STARD13: variants seen among roughly 807,000 people sequenced by gnomAD.
STARD13 encodes the protein StAR related lipid transfer domain containing 13.
Under a neutral mutation model 106.4 loss-of-function variants are expected in STARD13, and 62 were observed. The observed-to-expected ratio is 0.58, with a 90% CI of 0.48 to 0.72. STARD13 has a LOEUF of 0.72. Ranked by LOEUF, STARD13 falls within the 30% of genes least tolerant of loss-of-function variation. The probability of loss-of-function intolerance (pLI) is 0.00; values close to 1 mark genes in which losing one functional copy is unlikely to be tolerated. For missense variants in STARD13, 1,387 were observed against 1,424.0 expected, an observed-to-expected ratio of 0.97 and a Z score of 0.42; for synonymous variants, 565 against 553.0, an observed-to-expected ratio of 1.02 and a Z score of -0.31.
At chr13:33,379,467 T>G in the STARD13 span, among the ~76,000 whole-genome samples, 1 of 152,238 alleles carries the variant, frequency 6.6e-6, no homozygotes, top group Admixed American at 6.5e-5. Context: ...AGCTCCTTTA[T>G]TGACATGACC....
the STARD13 span, among the ~76,000 whole-genome samples, chr13:33,536,934 C>T: frequency 2.5e-4 from 38 of 152,330 alleles, no homozygotes; most frequent in Non-Finnish European, 4.9e-4. Context: ...ACAAAATTCC[C>T]TTGCTATTCA....
At chr13:33,124,054 C>G (rs1386713568) in intron 7 of STARD13, among the ~76,000 whole-genome samples, 1 of 152,230 alleles carries the variant, frequency 6.6e-6, no homozygotes, top group Non-Finnish European at 1.5e-5. Flanking sequence ...TGGTGTTGCT[C>G]TCCTTGCTTT....
chr13:33,504,508 GA>G, the STARD13 span, among the ~76,000 whole-genome samples: 37 of 150,728 alleles, frequency 2.5e-4, no homozygotes, highest in Non-Finnish European at 8.8e-5. Flanking sequence ...CGCAAGGCCA[GA>G]AAATCAAAGA....
the STARD13 span, among the ~76,000 whole-genome samples, chr13:33,420,000 A>C: frequency 7.2e-5 from 11 of 152,356 alleles, no homozygotes; most frequent in African/African-American, 2.6e-4. Context: ...CACTGCAAAA[A>C]CATGCCAAAT....
At chr13:33,626,467 T>C in the STARD13 span, among the ~76,000 whole-genome samples, 1 of 152,258 alleles carries the variant, frequency 6.6e-6, no homozygotes, top group African/African-American at 2.4e-5. Flanking sequence ...AATCTTCACC[T>C]ACCTTATTAT....
the STARD13 span, among the ~76,000 whole-genome samples, chr13:33,449,045 C>T: frequency 1.3e-5 from 2 of 150,900 alleles, no homozygotes; most frequent in South Asian, 4.2e-4. Context: ...TGTCTCTTTG[C>T]TTTGTTAATT....
the STARD13 span, among the ~76,000 whole-genome samples, chr13:33,406,734 C>T: frequency 4.6e-5 from 7 of 152,124 alleles, no homozygotes; most frequent in African/African-American, 1.7e-4. Flanking sequence ...AGTGAAATAA[C>T]CAACAAAAGC....
chr13:33,343,585 A>AAC (rs2077984846), intron 1 of STARD13, among the ~76,000 whole-genome samples: 1 of 94,966 alleles, frequency 1.1e-5, no homozygotes, highest in Non-Finnish European at 2.1e-5. Flanking sequence ...CTTAAAAAAA[A>AAC]AAAAAAAAAA....
chr13:33,532,006 A>C, the STARD13 span, among the ~76,000 whole-genome samples: 1 of 152,068 alleles, frequency 6.6e-6, no homozygotes, highest in Non-Finnish European at 1.5e-5. Context: ...CCATCTTTTT[A>C]GTGATTATAT....
chr13:33,126,710 G>C (rs1408897), intron 6 of STARD13, among the ~76,000 whole-genome samples: 83,309 of 151,772 alleles, frequency 0.55, 23,792 homozygotes, highest in Non-Finnish European at 0.63. Context: ...TTTTAATACA[G>C]AAGCATATAT....
chr13:33,581,932 C>T, the STARD13 span, among the ~76,000 whole-genome samples: 5 of 152,124 alleles, frequency 3.3e-5, no homozygotes, highest in Non-Finnish European at 7.4e-5. Context: ...ATTATATAAA[C>T]AATTAAAGAT....
intron 1 of STARD13, chr13:33,278,318 T>G (rs144774334): frequency 6.6e-6 from 1 of 152,188 alleles, no homozygotes; most frequent in African/African-American, 2.4e-5. Flanking sequence ...ATGGGCCTAG[T>G]GTTCTGTGAA....
chr13:33,540,400 T>C, the STARD13 span, among the ~76,000 whole-genome samples: 4 of 152,196 alleles, frequency 2.6e-5, no homozygotes, highest in South Asian at 2.1e-4. Context: ...TATAGGTTAT[T>C]TGAATCCAAG....
chr13:33,293,191 T>C (rs1204581112), intron 1 of STARD13, among the ~76,000 whole-genome samples: 1 of 152,182 alleles, frequency 6.6e-6, no homozygotes, highest in African/African-American at 2.4e-5. Flanking sequence ...TATAATTACA[T>C]ATGTATTCGC....
the STARD13 span, among the ~76,000 whole-genome samples, chr13:33,547,382 G>A: frequency 1.3e-5 from 2 of 152,158 alleles, no homozygotes; most frequent in African/African-American, 4.8e-5. Flanking sequence ...TTACATATGT[G>A]TATTTACATA....
the STARD13 span, among the ~76,000 whole-genome samples, chr13:33,409,573 G>C: frequency 6.6e-6 from 1 of 152,204 alleles, no homozygotes; most frequent in African/African-American, 2.4e-5. Context: ...ATGCATTAGA[G>C]ATTCAACAGG....
chr13:33,498,201 G>C, the STARD13 span, among the ~76,000 whole-genome samples: 1 of 152,160 alleles, frequency 6.6e-6, no homozygotes, highest in African/African-American at 2.4e-5. Context: ...ATATGAAATA[G>C]TTAGAAGCAC....
the STARD13 span, among the ~76,000 whole-genome samples, chr13:33,589,111 G>T: frequency 6.6e-6 from 1 of 152,102 alleles, no homozygotes; most frequent in African/African-American, 2.4e-5. Context: ...TTCTCTGATG[G>T]TAGTTTGTAT....
chr13:33,513,555 G>T, the STARD13 span, among the ~76,000 whole-genome samples: 3 of 152,154 alleles, frequency 2.0e-5, no homozygotes, highest in African/African-American at 7.2e-5. Context: ...CAAAAAGGAA[G>T]TGAGTGCTGA....
Sources: allele counts gnomAD v4.1 joint callset (sites outside exome capture counted in the v4.1 genomes callset), GRCh38; gene constraint gnomAD v4.1.1; transcripts MANE v1.5; gene names NCBI Gene and HGNC (gene_info 2026-07-23, HGNC 2026-07-21).